The following AGK variants were observed in gnomAD, a reference collection of about 807,000 sequenced individuals.
AGK encodes the protein acylglycerol kinase, also known as acylglycerol kinase, mitochondrial.
Under a neutral mutation model 66.4 loss-of-function variants are expected in AGK, and 52 were observed. The observed-to-expected ratio is 0.78, with a 90% CI of 0.63 to 0.99. The LOEUF is 0.99. AGK is among the 50% of genes least tolerant of loss of function. The pLI, the probability that AGK is intolerant of heterozygous loss-of-function variation, is 0.00. For synonymous variants in AGK, 182 were observed against 181.1 expected, an observed-to-expected ratio of 1.00 and a Z score of -0.04; for missense variants, 451 against 506.6, an observed-to-expected ratio of 0.89 and a Z score of 1.05.
In AGK at chr7:141,642,472, C is replaced by T. The variant is rs1562984238; in HGVS notation, c.975+564C>T. On this transcript the variant is annotated intron_variant, in intron 13 of 15. Transcript: ENST00000649286. ...AACTTAGTTCCTAAGTCACACTCAC[C>T]ACATTTCAAGTGCTCAACAGCCATA... is the stretch of plus-strand genomic sequence containing the variant. Among the ~76,000 whole-genome samples, 11 of 152,198 alleles carry T rather than the reference C, an allele frequency of 7.2e-5. No individual in the cohort carries two copies. In the South Asian group the frequency reaches 1.9e-3, roughly 26 times the overall value.
chr7:141,586,693 G>A (rs564959548), intron 2 of AGK, among the ~76,000 whole-genome samples: 15 of 152,278 alleles, frequency 9.9e-5, no homozygotes, highest in African/African-American at 2.4e-4. Context: ...TGTAAAGTTC[G>A]TTGTGTCTCT....
rs746375297 is a variant in AGK, at chr7:141,649,254, C to T, written c.976-9C>T. The stretch of plus-strand genomic sequence containing the variant: ...AGAGTAATGACGTTAGTGTTCTTAA[C>T]CTTTTTAGAGCAAAGAAGATTTTCT... On this transcript the variant is annotated splice_polypyrimidine_tract_variant and intron_variant, in intron 13 of 15. Coordinates refer to ENST00000649286, the MANE Select transcript of AGK (RefSeq NM_018238.4). The T allele has an allele frequency of 7.0e-5, 113 of 1,609,352 alleles. No homozygotes were observed. The highest frequency in any genetic ancestry group is 8.8e-5 in the Non-Finnish European group (103 of 1,175,934).
chr7:141,581,718 T>G (rs932522210), intron 2 of AGK, among the ~76,000 whole-genome samples: 2 of 151,642 alleles, frequency 1.3e-5, no homozygotes, highest in Admixed American at 6.6e-5. Flanking sequence ...GGCTTTGAAC[T>G]GGGGAAAAGG....
chr7:141,592,700 G>GT (rs771381577), intron 2 of AGK, among the ~76,000 whole-genome samples: 2 of 151,528 alleles, frequency 1.3e-5, no homozygotes, highest in East Asian at 3.9e-4. Context: ...GGTTTTTTTT[G>GT]TTTTTTTGTT....
At chr7:141,629,351 C>T (rs753591807) in intron 9 of AGK, among the ~76,000 whole-genome samples, 25 of 152,168 alleles carry the variant, frequency 1.6e-4, no homozygotes, top group Non-Finnish European at 4.4e-5. Flanking sequence ...CAGCACATCT[C>T]CTTTGCTGTG....
At chr7:141,651,267 A>G (rs1334275530) in intron 14 of AGK, among the ~76,000 whole-genome samples, 2 of 152,246 alleles carry the variant, frequency 1.3e-5, no homozygotes. Context: ...TTTTAAATCA[A>G]TCAATTTTTA....
chr7:141,571,243 A>G (rs1795600214), intron 2 of AGK, among the ~76,000 whole-genome samples: 1 of 152,138 alleles, frequency 6.6e-6, no homozygotes, highest in Non-Finnish European at 1.5e-5. Flanking sequence ...TGAGTTGCTT[A>G]ATTTGTTCCT....
At chr7:141,565,609 G>A (rs1435109898) in intron 2 of AGK, among the ~76,000 whole-genome samples, 1 of 151,608 alleles carries the variant, frequency 6.6e-6, no homozygotes, top group Admixed American at 6.6e-5. Context: ...CCACTGCACT[G>A]CCTGGGTGAC....
intron 1 of AGK, among the ~76,000 whole-genome samples, chr7:141,554,318 TGACAGAGTGA>T (rs1381727942): frequency 6.7e-6 from 1 of 149,376 alleles, no homozygotes; most frequent in Non-Finnish European, 1.5e-5. Flanking sequence ...CCATCCTAGG[TGACAGAGTGA>T]GACCCTGTCT....
intron 2 of AGK, among the ~76,000 whole-genome samples, chr7:141,556,053 G>A (rs895243376): frequency 6.6e-6 from 1 of 152,184 alleles, no homozygotes; most frequent in Admixed American, 6.5e-5. Flanking sequence ...ATCAATATAC[G>A]TAAGATGAAC....
intron 1 of AGK, among the ~76,000 whole-genome samples, chr7:141,554,881 C>T (rs1338913722): frequency 1.3e-5 from 2 of 152,078 alleles, no homozygotes; most frequent in East Asian, 3.8e-4. Flanking sequence ...ATATGCATGT[C>T]TGATTATTCA....
intron 2 of AGK, among the ~76,000 whole-genome samples, chr7:141,590,815 G>T (rs1043640233): frequency 2.0e-5 from 3 of 152,160 alleles, no homozygotes; most frequent in African/African-American, 7.2e-5. Context: ...AAGAAGAAAA[G>T]TGAAACATGA....
At chr7:141,649,984 G>T (rs1797516829) in intron 14 of AGK, among the ~76,000 whole-genome samples, 1 of 152,158 alleles carries the variant, frequency 6.6e-6, no homozygotes, top group Non-Finnish European at 1.5e-5. Context: ...AATTTTATTG[G>T]TAAAGAACAC....
At chr7:141,577,272 C>A (rs1795764379) in intron 2 of AGK, among the ~76,000 whole-genome samples, 1 of 152,170 alleles carries the variant, frequency 6.6e-6, no homozygotes, top group South Asian at 2.1e-4. Flanking sequence ...TTCTCTGAAG[C>A]TTGCTACCTG....
chr7:141,648,054 G>A (rs1450860088), intron 13 of AGK, among the ~76,000 whole-genome samples: 3 of 152,176 alleles, frequency 2.0e-5, no homozygotes, highest in Non-Finnish European at 4.4e-5. Flanking sequence ...TAAAGTTTGA[G>A]AACCACTGCC....
chr7:141,631,402 T>C (rs1447548170), intron 9 of AGK, among the ~76,000 whole-genome samples: 2 of 152,192 alleles, frequency 1.3e-5, no homozygotes, highest in African/African-American at 4.8e-5. Flanking sequence ...TATTATGCCA[T>C]TTTATAGATC....
At chr7:141,560,276 T>G (rs1019162537) in intron 2 of AGK, among the ~76,000 whole-genome samples, 5 of 151,988 alleles carry the variant, frequency 3.3e-5, no homozygotes, top group African/African-American at 1.2e-4. Flanking sequence ...CCCTCCGTTT[T>G]TTTTTTTGCC....
chr7:141,600,513 G>T (rs1796319822), intron 4 of AGK, among the ~76,000 whole-genome samples: 1 of 152,016 alleles, frequency 6.6e-6, no homozygotes, highest in African/African-American at 2.4e-5. Flanking sequence ...CTACATTTGG[G>T]GCAGGTTTAT....
chr7:141,622,843 CAGG>C (rs1286815964), intron 9 of AGK, among the ~76,000 whole-genome samples: 3 of 151,284 alleles, frequency 2.0e-5, no homozygotes, highest in East Asian at 3.9e-4. Context: ...ATCACTTGAG[CAGG>C]AGTTCAAGAC....
Sources: gnomAD v4.1 joint callset for allele counts (sites outside exome capture counted in the v4.1 genomes callset) on GRCh38, gnomAD v4.1.1 for gene constraint, MANE v1.5 for transcripts, NCBI Gene and HGNC (gene_info 2026-07-23, HGNC 2026-07-21) for gene names.